ASIC2: variants seen among roughly 807,000 people sequenced by gnomAD.
ASIC2 encodes the protein acid sensing ion channel subunit 2, also known as acid-sensing ion channel 2.
In ASIC2, 25 loss-of-function variants were observed where a neutral mutation model predicts 57.3. The observed-to-expected ratio is 0.44, with a 90% CI of 0.32 to 0.61. The LOEUF (loss-of-function observed/expected upper bound fraction) is 0.61, where lower values mean the gene tolerates loss of function less well. Among genes scored for constraint, ASIC2 ranks in the 20% least tolerant of loss-of-function variants. The pLI, the probability that ASIC2 is intolerant of heterozygous loss-of-function variation, is 0.06. For missense variants in ASIC2, 641 were observed against 738.1 expected (o/e 0.87, Z 1.52); for synonymous variants, 319 against 307.5 (o/e 1.04, Z -0.39).
intron 1 of ASIC2, among the ~76,000 whole-genome samples, chr17:33,719,810 A>G (rs1400789650): frequency 6.6e-6 from 1 of 152,184 alleles, no homozygotes; most frequent in African/African-American, 2.4e-5. Flanking sequence ...CCAAATTCCA[A>G]ACTTATCCCT....
intron 1 of ASIC2, among the ~76,000 whole-genome samples, chr17:33,412,677 G>A (rs919866341): frequency 6.6e-6 from 1 of 152,298 alleles, no homozygotes; most frequent in African/African-American, 2.4e-5. Context: ...CTTGGGTTGA[G>A]TGGATAAACA....
At chr17:33,813,287 A>G (rs1449838597) in intron 1 of ASIC2, among the ~76,000 whole-genome samples, 3 of 152,164 alleles carry the variant, frequency 2.0e-5, no homozygotes, top group African/African-American at 7.2e-5. Flanking sequence ...TAAGCCACTC[A>G]GCCGCAAACT....
intron 1 of ASIC2, among the ~76,000 whole-genome samples, chr17:33,224,729 C>T (rs1246322058): frequency 6.6e-6 from 1 of 152,184 alleles, no homozygotes; most frequent in African/African-American, 2.4e-5. Context: ...TGGGCATTTG[C>T]ATCAGTGCTT....
intron 1 of ASIC2, among the ~76,000 whole-genome samples, chr17:33,669,863 C>T (rs1907590596): frequency 6.6e-6 from 1 of 152,160 alleles, no homozygotes; most frequent in South Asian, 2.1e-4. Flanking sequence ...AATTATCAGG[C>T]ACCCATAAGA....
At chr17:34,043,718 G>A (rs189417558) in intron 1 of ASIC2, among the ~76,000 whole-genome samples, 2 of 152,300 alleles carry the variant, frequency 1.3e-5, no homozygotes, top group Non-Finnish European at 2.9e-5. Flanking sequence ...TGAGCAGGGT[G>A]AGGGTTATTA....
chr17:33,506,282 G>A (rs12939444), intron 1 of ASIC2, among the ~76,000 whole-genome samples: 19 of 151,632 alleles, frequency 1.3e-4, no homozygotes, highest in Non-Finnish European at 1.8e-4. Flanking sequence ...GTGTGGTGGC[G>A]GGCGCCTGTA....
intron 1 of ASIC2, among the ~76,000 whole-genome samples, chr17:33,800,415 C>A (rs2130819): frequency 6.6e-6 from 1 of 152,108 alleles, no homozygotes; most frequent in Non-Finnish European, 1.5e-5. Flanking sequence ...ACACACCTGC[C>A]TTTGGTGTGT....
At position 33,166,239 on chromosome 17, in the gene ASIC2, A is replaced by T. The variant is rs190912432; in HGVS notation, c.709-54172T>A. ...AATTCCTTCCTCACTGGTGGTTGTA[A>T]GGATTAAATAGGTAAATTAATGGTT... On this transcript the variant is annotated intron_variant, in intron 1 of 9. Transcript: ENST00000225823. Among the ~76,000 whole-genome samples the T allele has an allele frequency of 3.6e-3, 545 of 152,294 alleles. 6 individuals are homozygous for T. Among genetic ancestry groups the T allele is most frequent in the Non-Finnish European group, 4.3e-3 (294 of 68,020 alleles).
chr17:33,157,426 G>T (rs1905036077), intron 1 of ASIC2, among the ~76,000 whole-genome samples: 1 of 152,138 alleles, frequency 6.6e-6, no homozygotes, highest in South Asian at 2.1e-4. Context: ...AAGTACTAGA[G>T]CCACAAGCCA....
chr17:33,400,429 G>T (rs932165447), intron 1 of ASIC2, among the ~76,000 whole-genome samples: 1 of 152,208 alleles, frequency 6.6e-6, no homozygotes, highest in African/African-American at 2.4e-5. Context: ...GAGTTTGAGG[G>T]GAAGGAGCTA....
chr17:33,784,165 G>A (rs1039021275), intron 1 of ASIC2, among the ~76,000 whole-genome samples: 7 of 152,326 alleles, frequency 4.6e-5, no homozygotes, highest in African/African-American at 1.7e-4. Context: ...CACTCATTAG[G>A]TTAAAGGCCT....
intron 1 of ASIC2, among the ~76,000 whole-genome samples, chr17:33,502,672 C>A (rs929666414): frequency 6.6e-6 from 1 of 152,216 alleles, no homozygotes; most frequent in Admixed American, 6.5e-5. Flanking sequence ...ACAATCCCAA[C>A]CATGCCACCA....
chr17:33,925,677 T>C (rs71379427), intron 1 of ASIC2, among the ~76,000 whole-genome samples: 62 of 152,200 alleles, frequency 4.1e-4, no homozygotes, highest in African/African-American at 1.4e-3. Context: ...TCTGCTTCCA[T>C]GGCCCAGGTT....
At chr17:33,142,063 A>G (rs543639298) in intron 1 of ASIC2, among the ~76,000 whole-genome samples, 3 of 152,244 alleles carry the variant, frequency 2.0e-5, no homozygotes, top group Admixed American at 1.3e-4. Flanking sequence ...TAGACTACAA[A>G]CCCCTCAAGA....
rs557757759 is a variant in ASIC2 at position 33,283,727 on chromosome 17, C to T, written c.708+7681G>A. Among the ~76,000 whole-genome samples the T allele has an allele frequency of 2.9e-4, 44 of 152,264 alleles. 1 individual carries two copies. In the South Asian group the frequency reaches 8.9e-3, roughly 31 times the overall value. On this transcript the variant is annotated intron_variant, in intron 1 of 9. Coordinates refer to ENST00000225823, the MANE Select transcript of ASIC2 (RefSeq NM_183377.2). ...CTGAGTGACCTCAGGCAAGTCACTC[C>T]TACCTCTGGAGTTAGGCAGGCAATA...
intron 1 of ASIC2, among the ~76,000 whole-genome samples, chr17:33,278,594 T>C (rs1904807271): frequency 6.6e-6 from 1 of 152,136 alleles, no homozygotes. Context: ...CGTTCTGATC[T>C]TTGGGGAGAC....
chr17:33,632,384 T>G (rs1906203310), intron 1 of ASIC2, among the ~76,000 whole-genome samples: 1 of 152,188 alleles, frequency 6.6e-6, no homozygotes, highest in Admixed American at 6.5e-5. Flanking sequence ...ACGGTTCAGA[T>G]TAAACGTGGA....
At chr17:33,996,142 A>G (rs191981490) in intron 1 of ASIC2, among the ~76,000 whole-genome samples, 3 of 151,984 alleles carry the variant, frequency 2.0e-5, no homozygotes, top group Admixed American at 1.3e-4. Context: ...GGCCATTTGT[A>G]TGTATTCCTT....
At chr17:33,016,455 A>G (rs994127227) in intron 8 of ASIC2, among the ~76,000 whole-genome samples, 4 of 152,132 alleles carry the variant, frequency 2.6e-5, no homozygotes, top group Admixed American at 1.3e-4. Flanking sequence ...AATTCAGAAG[A>G]CCAGGACATG....
Sources: gnomAD v4.1 joint callset for allele counts (sites outside exome capture counted in the v4.1 genomes callset) on GRCh38, gnomAD v4.1.1 for gene constraint, MANE v1.5 for transcripts, NCBI Gene and HGNC (gene_info 2026-07-23, HGNC 2026-07-21) for gene names.